Variants in PSKH2 observed in about 807,000 individuals in gnomAD.
PSKH2 encodes the protein protein serine kinase H2, also known as serine/threonine-protein kinase H2.
PSKH2 carries 16 observed loss-of-function variants against 22.5 expected under a neutral mutation model. That is an observed-to-expected ratio of 0.71 (90% CI 0.48 to 1.08). The LOEUF (loss-of-function observed/expected upper bound fraction) is 1.08. PSKH2 is among the 50% of genes least tolerant of loss of function. The pLI is 0.00. For missense variants in PSKH2, 516 were observed against 492.8 expected (o/e 1.05, Z -0.44); for synonymous variants, 188 against 184.8 (o/e 1.02, Z -0.14).
intron 1 of PSKH2, 113 bp downstream of exon 1, chr8:86,069,325 G>A (rs1817910527): frequency 1.0e-6 from 1 of 994,074 alleles, no homozygotes; most frequent in Non-Finnish European, 1.4e-6. Flanking sequence ...CCTATCATCC[G>A]AAAGAACCCT....
intron 1 of PSKH2, among the ~76,000 whole-genome samples, chr8:86,068,733 T>C (rs1257787350): frequency 6.6e-6 from 1 of 152,098 alleles, no homozygotes; most frequent in South Asian, 2.1e-4. Context: ...TAGTGGAAGA[T>C]CCTTCACACA....
intron 2 of PSKH2, among the ~76,000 whole-genome samples, chr8:86,061,823 A>G (rs535670962): frequency 6.6e-5 from 10 of 152,288 alleles, no homozygotes; most frequent in Non-Finnish European, 1.0e-4. Context: ...CCCATCCAAC[A>G]TCATGTGGCA....
chr8:86,066,173 T>G (rs555281487), intron 1 of PSKH2, among the ~76,000 whole-genome samples: 2 of 151,158 alleles, frequency 1.3e-5, no homozygotes, highest in South Asian at 4.2e-4. Flanking sequence ...GTTTACGTTG[T>G]AGAGTCAGGA....
intron 2 of PSKH2, among the ~76,000 whole-genome samples, chr8:86,056,908 T>TG (rs1198759264): frequency 1.3e-5 from 2 of 151,376 alleles, no homozygotes; most frequent in African/African-American, 2.4e-5. Flanking sequence ...GTTGGAGTTT[T>TG]TTTTTTTTTT....
chr8:86,060,255 C>T (rs1338418353), intron 2 of PSKH2, among the ~76,000 whole-genome samples: 1 of 152,046 alleles, frequency 6.6e-6, no homozygotes, highest in Admixed American at 6.6e-5. Context: ...TTCTTTAAGT[C>T]TCATCTTTTG....
At chr8:86,060,370 G>C (rs879284419) in intron 2 of PSKH2, among the ~76,000 whole-genome samples, 3 of 152,112 alleles carry the variant, frequency 2.0e-5, no homozygotes, top group Non-Finnish European at 4.4e-5. Flanking sequence ...AGAAGGGGAA[G>C]GAAAATTCCC....
intron 2 of PSKH2, among the ~76,000 whole-genome samples, chr8:86,054,173 G>C (rs898692847): frequency 3.9e-5 from 6 of 152,000 alleles, no homozygotes; most frequent in African/African-American, 1.5e-4. Context: ...TAGAGCTCTT[G>C]AAGTATAGGA....
intron 2 of PSKH2, among the ~76,000 whole-genome samples, chr8:86,063,133 A>G (rs928065739): frequency 6.6e-6 from 1 of 152,224 alleles, no homozygotes; most frequent in African/African-American, 2.4e-5. Context: ...ATGTACCATA[A>G]GGCACTAAAG....
chr8:86,053,046 A>T (rs1327072190), intron 2 of PSKH2, among the ~76,000 whole-genome samples: 1 of 152,236 alleles, frequency 6.6e-6, no homozygotes, highest in Non-Finnish European at 1.5e-5. Flanking sequence ...TACATGCTGT[A>T]GATGTCTTGA....
At position 86,064,439 on chromosome 8, in the gene PSKH2, G is replaced by A; in HGVS notation, c.378C>T (p.Ile126=). The A allele has an allele frequency of 6.2e-7, 1 of 1,614,130 alleles. No homozygotes were observed. The highest frequency in any genetic ancestry group is 8.5e-7 in the Non-Finnish European group (1 of 1,180,034). ...TGTAAACTTGATCCTCAGTCTCAAA[G>A]ATCTCCATGAGCTGGACAATGTAAC... is the stretch of plus-strand genomic sequence containing the variant. The part of the protein sequence containing the change: ...SHRYIVQLME[I]FETEDQVYMV... Residue 126 remains isoleucine, a synonymous_variant, in exon 2 of 3, where the codon ATC becomes ATT. Coordinates refer to ENST00000276616, the MANE Select transcript of PSKH2 (RefSeq NM_033126.3).
At chr8:86,052,436 C>T (rs1315402483) in intron 2 of PSKH2, among the ~76,000 whole-genome samples, 1 of 152,184 alleles carries the variant, frequency 6.6e-6, no homozygotes, top group African/African-American at 2.4e-5. Context: ...CCACACACAG[C>T]TCTGCAACCT....
At chr8:86,055,765 G>C (rs779359945) in intron 2 of PSKH2, among the ~76,000 whole-genome samples, 8 of 152,136 alleles carry the variant, frequency 5.3e-5, no homozygotes, top group Non-Finnish European at 8.8e-5. Flanking sequence ...AAGAGAATAA[G>C]AGAAGTTAGT....
chr8:86,069,371 G>A, intron 1 of PSKH2, 67 bp downstream of exon 1: 1 of 1,417,826 alleles, frequency 7.1e-7, no homozygotes, highest in Non-Finnish European at 9.4e-7. Context: ...GAACCTCGAG[G>A]CGGTCTTGGC....
At chr8:86,053,989 A>T (rs1396420848) in intron 2 of PSKH2, among the ~76,000 whole-genome samples, 2 of 152,144 alleles carry the variant, frequency 1.3e-5, no homozygotes, top group Admixed American at 1.3e-4. Flanking sequence ...GTGAACTGTG[A>T]TCATACCACA....
chr8:86,055,874 T>C (rs1027525069), intron 2 of PSKH2, among the ~76,000 whole-genome samples: 4 of 152,156 alleles, frequency 2.6e-5, no homozygotes, highest in African/African-American at 4.8e-5. Context: ...AGCAAAAGTA[T>C]TTCCTAACAG....
chr8:86,049,213 G>A (rs923577549), intron 2 of PSKH2, among the ~76,000 whole-genome samples: 3 of 152,140 alleles, frequency 2.0e-5, no homozygotes, highest in Middle Eastern at 3.2e-3. Flanking sequence ...AGAAGGAGTA[G>A]AAGGGGAAAG....
rs997493484 is a variant in PSKH2, at chr8:86,064,704, A to G, written c.186-73T>C. On this transcript the variant is annotated intron_variant, in intron 1 of 2. Coordinates refer to ENST00000276616, the MANE Select transcript of PSKH2 (RefSeq NM_033126.3). ...TCAAAATTATTTAAGTCCATGCTTT[A>G]TATCATCTTTTCTATCCTTCTATTC... 5 of 1,170,188 alleles carry G rather than the reference A, an allele frequency of 4.3e-6. No individual in the cohort carries two copies. In the African/African-American group the frequency reaches 7.7e-5, roughly 18 times the overall value. 72.5% of individuals were successfully genotyped at this position (1,170,188 alleles called of 1,614,324 possible).
rs769072498 is a variant in PSKH2 at position 86,064,423 on chromosome 8, G to A, written c.394C>T (p.Gln132Ter). 9 of 1,613,982 alleles carry A rather than the reference G, an allele frequency of 5.6e-6. No individual in the cohort carries two copies. In the African/African-American group the frequency reaches 1.2e-4, roughly 22 times the overall value. The change falls in exon 2 of 3, where the codon CAA becomes TAA. Residue 132 changes from glutamine (Q) to a stop codon, truncating the protein, a stop_gained. Transcript: ENST00000276616. LOFTEE classifies it high-confidence loss of function. ...QLMEIFETED[Q>*]VYMVMELATG... ...GCCAGCTCCATTACCATGTAAACTT[G>A]ATCCTCAGTCTCAAAGATCTCCATG...
chr8:86,057,897 A>C (rs991452933), intron 2 of PSKH2, among the ~76,000 whole-genome samples: 2 of 152,066 alleles, frequency 1.3e-5, no homozygotes, highest in African/African-American at 4.8e-5. Flanking sequence ...CTTTGTTCCC[A>C]CTTACATTAA....
Sources: allele counts gnomAD v4.1 joint callset (sites outside exome capture counted in the v4.1 genomes callset), GRCh38; gene constraint gnomAD v4.1.1; transcripts MANE v1.5; gene names NCBI Gene and HGNC (gene_info 2026-07-23, HGNC 2026-07-21).